PTPRN2: variants seen among roughly 807,000 people sequenced by gnomAD.
The protein encoded by PTPRN2 is protein tyrosine phosphatase receptor type N2, also known as receptor-type tyrosine-protein phosphatase N2.
In PTPRN2, 74 loss-of-function variants were observed where a neutral mutation model predicts 118.8. The observed-to-expected ratio is 0.62, with a 90% confidence interval of 0.52 to 0.76. The LOEUF (loss-of-function observed/expected upper bound fraction) is 0.76, where lower values mean the gene tolerates loss of function less well. PTPRN2 is among the 30% of genes least tolerant of loss of function. The pLI is 0.00. For synonymous variants in PTPRN2, 641 were observed against 608.0 expected, an observed-to-expected ratio of 1.05 and a Z score of -0.80; for missense variants, 1,481 against 1,394.4, an observed-to-expected ratio of 1.06 and a Z score of -0.99.
Position 157,619,128 on chromosome 7 carries a change from C to T in PTPRN2, c.2344+2234G>A, listed in dbSNP as rs370923674. On this transcript the variant is annotated intron_variant, in intron 15 of 22. Coordinates refer to ENST00000389418, the MANE Select transcript of PTPRN2 (RefSeq NM_002847.5). This position sits in a 1 kb window ranked among gnomAD's most constrained non-coding sequence, Gnocchi z 5.3. ...CATCACTAGGTCCCTCGCCCCCAAC[C>T]CCCCCATCCACACTGTACAGACAGA... is the stretch of plus-strand genomic sequence containing the variant. 6.6e-6 allele frequency among the ~76,000 whole-genome samples: 1 copy of T among 152,078 alleles called. No individual in the cohort carries two copies. Among genetic ancestry groups the T allele is most frequent in the Admixed American group, 6.5e-5 (1 of 15,278 alleles).
intron 1 of PTPRN2, among the ~76,000 whole-genome samples, chr7:158,573,790 C>T (rs1828177208): frequency 6.6e-6 from 1 of 152,158 alleles, no homozygotes; most frequent in East Asian, 1.9e-4. Context: ...GATATATGGG[C>T]TAATGCTGGA....
Position 157,587,221 on chromosome 7 carries a change from C to T in PTPRN2, c.2496+8017G>A, listed in dbSNP as rs186409164. Among the ~76,000 whole-genome samples the T allele has an allele frequency of 7.7e-4, 117 of 151,230 alleles. No individual in the cohort carries two copies. The highest frequency in any genetic ancestry group is 2.7e-3 in the African/African-American group (111 of 41,098). On this transcript the variant is annotated intron_variant, in intron 17 of 22. Transcript: ENST00000389418. The surrounding 1 kb of genome is among the most constrained non-coding windows in gnomAD (Gnocchi z 5.3). Reference sequence around the variant, plus strand: ...CAGGCAGGCAGACAGAGACAAGACACACAGGCAGACAGGCAGACAGCGAGA... The same window carrying T: ...CAGGCAGGCAGACAGAGACAAGACATACAGGCAGACAGGCAGACAGCGAGA...
At chr7:157,920,686 CT>C (rs1442610761) in intron 11 of PTPRN2, among the ~76,000 whole-genome samples, 2 of 152,232 alleles carry the variant, frequency 1.3e-5, no homozygotes, top group Non-Finnish European at 2.9e-5. Context: ...AAGGGACCAG[CT>C]TTTCAGCAGA....
At chr7:158,429,982 A>G (rs1001555179) in intron 2 of PTPRN2, among the ~76,000 whole-genome samples, 1 of 152,116 alleles carries the variant, frequency 6.6e-6, no homozygotes, top group African/African-American at 2.4e-5. Flanking sequence ...ATCTTGGCTC[A>G]CTGCAACCTC....
At chr7:157,959,035 A>C (rs1801361683) in intron 11 of PTPRN2, among the ~76,000 whole-genome samples, 1 of 152,242 alleles carries the variant, frequency 6.6e-6, no homozygotes, top group Non-Finnish European at 1.5e-5. Context: ...AAAGGCAGAC[A>C]TATAGACCAA....
chr7:157,859,844 C>T (rs1362519208), intron 12 of PTPRN2, among the ~76,000 whole-genome samples: 2 of 125,534 alleles, frequency 1.6e-5, no homozygotes, highest in Non-Finnish European at 3.5e-5. Context: ...GCAGGGAGAG[C>T]CCCAGCTACT....
At chr7:158,288,298 G>A (rs976771110) in intron 3 of PTPRN2, among the ~76,000 whole-genome samples, 3 of 152,080 alleles carry the variant, frequency 2.0e-5, no homozygotes, top group Admixed American at 2.0e-4. Flanking sequence ...AGTAATTATT[G>A]ACAGGCAGGG....
rs960323032 is a variant in PTPRN2 at position 157,869,597 on chromosome 7, T to G, written c.1788+29076A>C. Among the ~76,000 whole-genome samples the G allele has an allele frequency of 8.6e-5, 13 of 152,030 alleles. No homozygotes were observed. The highest frequency in any genetic ancestry group is 2.7e-4 in the African/African-American group (11 of 41,386). ...CAATGCAGTCTTTTTCCCATTACTA[T>G]CTAAGGAAAAATGGGTACCCTCTGG... On this transcript the variant is annotated intron_variant, in intron 12 of 22. Coordinates refer to ENST00000389418, the MANE Select transcript of PTPRN2 (RefSeq NM_002847.5). This position sits in a 1 kb window ranked among gnomAD's most constrained non-coding sequence, Gnocchi z 4.2.
rs150855062 is a variant in PTPRN2 at position 157,575,905 on chromosome 7, CT to C, written c.2783+707del. On this transcript the variant is annotated intron_variant, in intron 19 of 22. Coordinates refer to ENST00000389418, the MANE Select transcript of PTPRN2 (RefSeq NM_002847.5). ...TGATGCTTTTGACAATTTCATTTTC[CT>C]TGTGGTGGTTTATTCACTAAGCACC... 9.4e-3 allele frequency among the ~76,000 whole-genome samples: 1,438 copies of C among 152,274 alleles called. 24 individuals are homozygous for C. Among genetic ancestry groups the C allele is most frequent in the African/African-American group, 0.033 (1,360 of 41,542 alleles).
intron 12 of PTPRN2, among the ~76,000 whole-genome samples, chr7:157,854,278 G>A (rs1037364066): frequency 2.0e-5 from 3 of 152,326 alleles, no homozygotes; most frequent in African/African-American, 7.2e-5. Flanking sequence ...GGGCTCAGAA[G>A]CCTGGATACC....
At chr7:158,203,431 T>C (rs1383281698) in intron 4 of PTPRN2, among the ~76,000 whole-genome samples, 1 of 152,158 alleles carries the variant, frequency 6.6e-6, no homozygotes, top group African/African-American at 2.4e-5. Flanking sequence ...AAACTGGCAA[T>C]TTTTCCAAAT....
chr7:158,229,472 T>G (rs1435321688), intron 3 of PTPRN2, among the ~76,000 whole-genome samples: 1 of 151,972 alleles, frequency 6.6e-6, no homozygotes, highest in African/African-American at 2.4e-5. Flanking sequence ...AATAGCAGTT[T>G]TAAGGAAACT....
chr7:157,637,379 C>A (rs187753838), intron 14 of PTPRN2, among the ~76,000 whole-genome samples: 4 of 152,274 alleles, frequency 2.6e-5, no homozygotes, highest in Admixed American at 6.5e-5. Context: ...AACAGCAGCC[C>A]CTGTCATCCC....
intron 12 of PTPRN2, among the ~76,000 whole-genome samples, chr7:157,896,323 G>A (rs1384859157): frequency 6.6e-6 from 1 of 152,174 alleles, no homozygotes; most frequent in Non-Finnish European, 1.5e-5. Context: ...GCCCAGCAGA[G>A]GACAGGAGGA....
rs144445025 is a variant in PTPRN2 at position 158,361,760 on chromosome 7, G to C, written c.164-44828C>G. Among the ~76,000 whole-genome samples, 305 of 152,278 alleles carry C rather than the reference G, an allele frequency of 2.0e-3. 6 individuals are homozygous for C. The highest frequency in any genetic ancestry group is 0.016 in the Admixed American group (242 of 15,300). ...AACACAGATACCAACAAGGGCCCCAGGAAGGTCAGTGCCTGGAGCCAGGTG... is the reference window on the plus strand; with the variant it reads ...AACACAGATACCAACAAGGGCCCCACGAAGGTCAGTGCCTGGAGCCAGGTG... On this transcript the variant is annotated intron_variant, in intron 2 of 22. Transcript: ENST00000389418.
chr7:157,708,137 G>C (rs915116045), intron 12 of PTPRN2, among the ~76,000 whole-genome samples: 1 of 152,238 alleles, frequency 6.6e-6, no homozygotes, highest in Non-Finnish European at 1.5e-5. Flanking sequence ...GCTGAGGCTG[G>C]AGAAAGGTGC....
intron 3 of PTPRN2, among the ~76,000 whole-genome samples, chr7:158,304,377 G>A (rs1172438299): frequency 6.6e-6 from 1 of 150,858 alleles, no homozygotes; most frequent in Non-Finnish European, 1.5e-5. Context: ...ATTCTAGGGA[G>A]GCATAAGACA....
intron 11 of PTPRN2, among the ~76,000 whole-genome samples, chr7:158,019,913 TCC>T (rs1806742891): frequency 6.6e-6 from 1 of 152,180 alleles, no homozygotes; most frequent in Non-Finnish European, 1.5e-5. Context: ...GTTTTACCAG[TCC>T]CTCAGCTTCG....
At chr7:157,635,982 T>G (rs896825257) in intron 14 of PTPRN2, among the ~76,000 whole-genome samples, 1 of 152,242 alleles carries the variant, frequency 6.6e-6, no homozygotes, top group Non-Finnish European at 1.5e-5. Flanking sequence ...TCACATGAAG[T>G]ATCAGGAAAT....
Sources: allele counts gnomAD v4.1 joint callset (sites outside exome capture counted in the v4.1 genomes callset), GRCh38; gene constraint gnomAD v4.1.1; non-coding constraint Gnocchi (gnomAD v3.1); transcripts MANE v1.5; gene names NCBI Gene and HGNC (gene_info 2026-07-23, HGNC 2026-07-21).